Variants in P2RY14 observed in about 807,000 individuals in gnomAD.
The protein encoded by P2RY14 is purinergic receptor P2Y14.
P2RY14 carries 2 observed loss-of-function variants against 0.9 expected under a neutral mutation model. The ratio of observed to expected loss-of-function variants is 2.16; its 90% CI spans 0.88 to 6.79. The LOEUF is 6.79. Among genes scored for constraint, P2RY14 ranks in the 30% most tolerant of loss-of-function variants. The probability of loss-of-function intolerance (pLI) is 0.05; values close to 1 mark genes in which losing one functional copy is unlikely to be tolerated. For missense variants in P2RY14, 378 were observed against 400.1 expected (o/e 0.94, Z 0.47); for synonymous variants, 158 against 147.2 (o/e 1.07, Z -0.53).
chr3:151,247,699 C>T (rs570280036), intron 1 of P2RY14, among the ~76,000 whole-genome samples: 6 of 142,742 alleles, frequency 4.2e-5, no homozygotes, highest in Admixed American at 7.2e-5. Context: ...CAGCATGGCA[C>T]ATGTATACAT....
At chr3:151,228,231 G>A (rs1209193259) in intron 1 of P2RY14, among the ~76,000 whole-genome samples, 1 of 152,168 alleles carries the variant, frequency 6.6e-6, no homozygotes, top group Non-Finnish European at 1.5e-5. Flanking sequence ...TTGGCTACAT[G>A]TATGGCGCTA....
At chr3:151,266,267 A>G (rs529200759) in intron 1 of P2RY14, among the ~76,000 whole-genome samples, 18 of 152,322 alleles carry the variant, frequency 1.2e-4, no homozygotes, top group South Asian at 4.1e-4. Context: ...AACATCTTCT[A>G]TTAAAATGAG....
intron 1 of P2RY14, among the ~76,000 whole-genome samples, chr3:151,239,787 T>G (rs1041339032): frequency 1.3e-5 from 2 of 152,186 alleles, no homozygotes; most frequent in African/African-American, 4.8e-5. Context: ...AGTTTGCTTG[T>G]TTTAGCACTC....
intron 1 of P2RY14, among the ~76,000 whole-genome samples, chr3:151,277,989 A>T (rs1365848471): frequency 6.6e-6 from 1 of 152,248 alleles, no homozygotes; most frequent in Non-Finnish European, 1.5e-5. Flanking sequence ...TCCTGGATGA[A>T]TACCTTTTAA....
At chr3:151,266,635 T>C (rs1739884056) in intron 1 of P2RY14, among the ~76,000 whole-genome samples, 1 of 152,084 alleles carries the variant, frequency 6.6e-6, no homozygotes. Flanking sequence ...AGATTTTAAG[T>C]AAATGAAGGA....
At chr3:151,272,229 G>C (rs1195862580) in intron 1 of P2RY14, among the ~76,000 whole-genome samples, 9 of 152,158 alleles carry the variant, frequency 5.9e-5, no homozygotes, top group Non-Finnish European at 2.9e-5. Flanking sequence ...GATGCAAAGA[G>C]GTAAATGTTT....
intron 1 of P2RY14, chr3:151,270,163 A>T (rs1437215361): frequency 9.9e-6 from 2 of 201,854 alleles, no homozygotes; most frequent in African/African-American, 5.0e-5. Context: ...CAACCTTTTT[A>T]AAAATTTTCT....
chr3:151,221,475 G>A (rs1729340574), intron 1 of P2RY14, among the ~76,000 whole-genome samples: 1 of 152,202 alleles, frequency 6.6e-6, no homozygotes, highest in Non-Finnish European at 1.5e-5. Flanking sequence ...GAAGGAAAAA[G>A]TGGTTTCGTG....
chr3:151,217,834 G>T (rs1728544005), intron 2 of P2RY14, among the ~76,000 whole-genome samples: 1 of 152,060 alleles, frequency 6.6e-6, no homozygotes, highest in African/African-American at 2.4e-5. Context: ...TGTCTTACGG[G>T]TTCAAGTGTC....
At chr3:151,255,499 A>G (rs988710693) in intron 1 of P2RY14, among the ~76,000 whole-genome samples, 7 of 152,054 alleles carry the variant, frequency 4.6e-5, no homozygotes, top group East Asian at 3.9e-4. Context: ...ATGCCCACCA[A>G]CTTTGGTTCT....
At chr3:151,260,384 C>A (rs1397028470) in intron 1 of P2RY14, among the ~76,000 whole-genome samples, 3 of 152,086 alleles carry the variant, frequency 2.0e-5, no homozygotes, top group Non-Finnish European at 4.4e-5. Context: ...GGGTCTTGCT[C>A]TGTTGTCCAG....
intron 2 of P2RY14, among the ~76,000 whole-genome samples, chr3:151,218,841 T>A (rs1474578468): frequency 1.7e-5 from 2 of 115,586 alleles, no homozygotes; most frequent in Non-Finnish European, 3.3e-5. Context: ...CACTCCAGCC[T>A]GGGTGACAGA....
At chr3:151,261,908 G>A (rs1238376858) in intron 1 of P2RY14, among the ~76,000 whole-genome samples, 1 of 152,000 alleles carries the variant, frequency 6.6e-6, no homozygotes. Flanking sequence ...TGTATTTTTA[G>A]TAGAGACGGG....
rs1475574294 is a variant in P2RY14, at chr3:151,270,081, TGAA to T, written c.-133+8203_-133+8205del. 2.7e-5 allele frequency: 6 copies of T among 218,976 alleles called. No individual in the cohort carries two copies. The East Asian group carries it at 8.4e-4, about 31-fold the overall frequency. The allele number at this position is 218,976 out of a possible 1,614,324, so 13.6% of individuals were successfully genotyped here. Reference sequence around the variant, plus strand: ...GGGATAAGGATGAAGATGAAGAAGATGAAGATGATGATGAAAGGGAGGAAAGAA... The same window carrying T: ...GGGATAAGGATGAAGATGAAGAAGATGATGATGATGAAAGGGAGGAAAGAA... On this transcript the variant is annotated intron_variant, in intron 1 of 2. Transcript: ENST00000309170.
chr3:151,251,813 T>G (rs1013568705), intron 1 of P2RY14, among the ~76,000 whole-genome samples: 1 of 152,202 alleles, frequency 6.6e-6, no homozygotes, highest in Non-Finnish European at 1.5e-5. Context: ...TTAAAAAATT[T>G]CAGCTATTTG....
chr3:151,271,514 A>G (rs1740943115), intron 1 of P2RY14, among the ~76,000 whole-genome samples: 1 of 152,204 alleles, frequency 6.6e-6, no homozygotes, highest in Non-Finnish European at 1.5e-5. Flanking sequence ...TTTACCCAGG[A>G]GAAGTGAAAG....
chr3:151,227,145 T>C (rs916263881), intron 1 of P2RY14, among the ~76,000 whole-genome samples: 2 of 152,250 alleles, frequency 1.3e-5, no homozygotes, highest in African/African-American at 4.8e-5. Context: ...GTGACCAACA[T>C]GTGTTAATGT....
intron 1 of P2RY14, among the ~76,000 whole-genome samples, chr3:151,267,385 C>G (rs1277270153): frequency 6.6e-6 from 1 of 152,008 alleles, no homozygotes; most frequent in Non-Finnish European, 1.5e-5. Flanking sequence ...ATCACAAATC[C>G]CCTTTTCTTT....
chr3:151,252,210 C>CA (rs1241130706), intron 1 of P2RY14, among the ~76,000 whole-genome samples: 5 of 152,102 alleles, frequency 3.3e-5, no homozygotes, highest in African/African-American at 9.7e-5. Context: ...TCTGTTTATC[C>CA]AGTCACCCAA....
Sources: gnomAD v4.1 joint callset for allele counts (sites outside exome capture counted in the v4.1 genomes callset) on GRCh38, gnomAD v4.1.1 for gene constraint, MANE v1.5 for transcripts, NCBI Gene and HGNC (gene_info 2026-07-23, HGNC 2026-07-21) for gene names.